The following MARCHF1 variants were observed in gnomAD, a reference collection of about 807,000 sequenced individuals.
MARCHF1 encodes E3 ubiquitin-protein ligase MARCHF1.
MARCHF1 carries 40 observed loss-of-function variants against 54.2 expected under a neutral mutation model. The ratio of observed to expected loss-of-function variants is 0.74; its 90% confidence interval spans 0.57 to 0.96. The LOEUF (loss-of-function observed/expected upper bound fraction) is 0.96, where lower values mean the gene tolerates loss of function less well. Among genes scored for constraint, MARCHF1 ranks in the 40% least tolerant of loss-of-function variants. MARCHF1 has a pLI of 0.00. For synonymous variants in MARCHF1, 236 were observed against 236.3 expected, an observed-to-expected ratio of 1.00 and a Z score of 0.01; for missense variants, 586 against 656.5, an observed-to-expected ratio of 0.89 and a Z score of 1.17.
chr4:163,809,652 ATTTCT>A (rs1748327328), intron 4 of MARCHF1, among the ~76,000 whole-genome samples: 2 of 152,146 alleles, frequency 1.3e-5, no homozygotes, highest in Non-Finnish European at 2.9e-5. Flanking sequence ...AAAAGATAGA[ATTTCT>A]TTTGTCTACT....
intron 1 of MARCHF1, among the ~76,000 whole-genome samples, chr4:164,227,947 C>A (rs1372532521): frequency 6.6e-6 from 1 of 151,998 alleles, no homozygotes. Flanking sequence ...TATTGCTTCC[C>A]AGAAATGTAA....
chr4:164,170,649 T>G (rs892105000), intron 1 of MARCHF1, among the ~76,000 whole-genome samples: 8 of 152,130 alleles, frequency 5.3e-5, no homozygotes, highest in African/African-American at 1.9e-4. Context: ...TAGTGAGATA[T>G]TTCTATGATT....
At chr4:163,874,563 C>T (rs1019249552) in intron 3 of MARCHF1, among the ~76,000 whole-genome samples, 4 of 151,982 alleles carry the variant, frequency 2.6e-5, no homozygotes, top group African/African-American at 7.2e-5. Flanking sequence ...ATTTTCGTAG[C>T]AAGAGAAAAT....
intron 1 of MARCHF1, among the ~76,000 whole-genome samples, chr4:164,165,760 A>T (rs1464807744): frequency 6.6e-6 from 1 of 151,946 alleles, no homozygotes; most frequent in East Asian, 1.9e-4. Context: ...GAACTTGCTG[A>T]TGACCTTAAA....
chr4:163,601,310 GT>G (rs1740956920), intron 7 of MARCHF1, among the ~76,000 whole-genome samples: 2 of 151,808 alleles, frequency 1.3e-5, no homozygotes, highest in African/African-American at 4.8e-5. Context: ...TTTATTTTCT[GT>G]TTGTATAAAC....
At chr4:163,935,182 G>T (rs917752438) in intron 3 of MARCHF1, among the ~76,000 whole-genome samples, 1 of 151,884 alleles carries the variant, frequency 6.6e-6, no homozygotes, top group Non-Finnish European at 1.5e-5. Context: ...ATTCTTAAGG[G>T]TCATACAATT....
chr4:164,129,237 T>G (rs1469815270), intron 1 of MARCHF1, among the ~76,000 whole-genome samples: 1 of 152,154 alleles, frequency 6.6e-6, no homozygotes, highest in Non-Finnish European at 1.5e-5. Context: ...GAAGAAGGAA[T>G]TTTCATCACC....
At chr4:164,202,765 T>C (rs753815421) in intron 1 of MARCHF1, among the ~76,000 whole-genome samples, 62 of 152,190 alleles carry the variant, frequency 4.1e-4, no homozygotes, top group Non-Finnish European at 7.6e-4. Flanking sequence ...TTTCCTACTA[T>C]TTGCTTACGC....
intron 2 of MARCHF1, among the ~76,000 whole-genome samples, chr4:164,019,226 T>G (rs2110962932): frequency 6.6e-6 from 1 of 152,284 alleles, no homozygotes; most frequent in East Asian, 1.9e-4. Flanking sequence ...ACCTGTTGAG[T>G]GGGTCTTCAA....
chr4:163,950,008 G>A (rs1193560798), intron 3 of MARCHF1, among the ~76,000 whole-genome samples: 1 of 152,202 alleles, frequency 6.6e-6, no homozygotes, highest in Admixed American at 6.5e-5. Context: ...GAGAGGAAGT[G>A]TGTGCTGATT....
At chr4:163,690,833 G>A (rs1288699851) in intron 5 of MARCHF1, among the ~76,000 whole-genome samples, 2 of 152,120 alleles carry the variant, frequency 1.3e-5, no homozygotes, top group East Asian at 1.9e-4. Flanking sequence ...AAAGTGCCAG[G>A]CATCAATCAA....
intron 8 of MARCHF1, chr4:163,555,856 G>C (rs2110957424): frequency 1.4e-5 from 6 of 443,824 alleles, no homozygotes; most frequent in Non-Finnish European, 2.7e-5. Flanking sequence ...TACCTCTTCA[G>C]TGAACAGCTA....
chr4:164,095,379 G>C (rs931768576), intron 2 of MARCHF1, among the ~76,000 whole-genome samples: 1 of 151,254 alleles, frequency 6.6e-6, no homozygotes, highest in African/African-American at 2.4e-5. Flanking sequence ...TGCCCGAGAA[G>C]TGGTAAATGT....
chr4:163,860,364 C>T (rs1749891714), intron 3 of MARCHF1, among the ~76,000 whole-genome samples: 1 of 152,090 alleles, frequency 6.6e-6, no homozygotes, highest in Non-Finnish European at 1.5e-5. Context: ...ATGAGAATAT[C>T]TGAGAAAGAT....
intron 4 of MARCHF1, among the ~76,000 whole-genome samples, chr4:163,714,572 AGG>A (rs1745203305): frequency 2.0e-5 from 3 of 152,274 alleles, no homozygotes; most frequent in Non-Finnish European, 4.4e-5. Flanking sequence ...TAAATTAAGT[AGG>A]ACGGTAATTC....
chr4:164,086,619 G>T (rs1481276495), intron 2 of MARCHF1, among the ~76,000 whole-genome samples: 1 of 151,780 alleles, frequency 6.6e-6, no homozygotes, highest in Admixed American at 6.6e-5. Flanking sequence ...ATCCAAAATT[G>T]GTAGAGTTAA....
intron 1 of MARCHF1, among the ~76,000 whole-genome samples, chr4:164,176,937 G>T: frequency 1.9e-5 from 2 of 103,358 alleles, no homozygotes; most frequent in Non-Finnish European, 2.1e-5. Flanking sequence ...TGAGTACCTT[G>T]TGCGCTCTCT....
At chr4:163,999,208 A>T (rs1753139046) in intron 2 of MARCHF1, among the ~76,000 whole-genome samples, 1 of 151,612 alleles carries the variant, frequency 6.6e-6, no homozygotes, top group Non-Finnish European at 1.5e-5. Flanking sequence ...AACATGTTGT[A>T]GTTTATAAAT....
At chr4:163,719,320 G>C (rs1436159331) in intron 4 of MARCHF1, among the ~76,000 whole-genome samples, 1 of 152,028 alleles carries the variant, frequency 6.6e-6, no homozygotes, top group East Asian at 1.9e-4. Flanking sequence ...TGAGACTGAT[G>C]GTTTCTAGCT....
Sources: gnomAD v4.1 joint callset for allele counts (sites outside exome capture counted in the v4.1 genomes callset) on GRCh38, gnomAD v4.1.1 for gene constraint, MANE v1.5 for transcripts, NCBI Gene and HGNC (gene_info 2026-07-23, HGNC 2026-07-21) for gene names.